The following MYRIP variants were observed in gnomAD, a reference collection of about 807,000 sequenced individuals.
The protein encoded by MYRIP is myosin VIIA and Rab interacting protein.
In MYRIP, 49 loss-of-function variants were observed where a neutral mutation model predicts 98.0. The ratio of observed to expected loss-of-function variants is 0.50; its 90% CI spans 0.40 to 0.63. The LOEUF (loss-of-function observed/expected upper bound fraction) is 0.63, where lower values mean the gene tolerates loss of function less well. MYRIP is among the 30% of genes least tolerant of loss of function. The probability of loss-of-function intolerance (pLI) is 0.00; values close to 1 mark genes in which losing one functional copy is unlikely to be tolerated. For synonymous variants in MYRIP, 404 were observed against 409.5 expected, an observed-to-expected ratio of 0.99 and a Z score of 0.16; for missense variants, 1,004 against 1,058.2, an observed-to-expected ratio of 0.95 and a Z score of 0.71.
At chr3:40,142,740 T>C (rs1949932441) in intron 3 of MYRIP, among the ~76,000 whole-genome samples, 1 of 152,160 alleles carries the variant, frequency 6.6e-6, no homozygotes, top group East Asian at 1.9e-4. Context: ...ATTATAGGTG[T>C]GAGCTACTGA....
chr3:40,118,890 C>T, intron 3 of MYRIP, among the ~76,000 whole-genome samples: 1 of 151,882 alleles, frequency 6.6e-6, no homozygotes, highest in African/African-American at 2.4e-5. Context: ...TCATCCATGT[C>T]CCTACAAAGG....
rs1029971487 is a variant in MYRIP, at chr3:40,084,744, G to A, written c.332+40473G>A. Among the ~76,000 whole-genome samples the A allele has an allele frequency of 8.9e-5, 12 of 135,024 alleles. 1 individual carries two copies. Among genetic ancestry groups the A allele is most frequent in the African/African-American group, 2.7e-4 (9 of 33,772 alleles). The allele number at this position is 135,024 out of a possible 152,430, so 88.6% of individuals were successfully genotyped here. The stretch of plus-strand genomic sequence containing the variant: ...TGTATTACATGTCGATAGATAATAT[G>A]TATCTATGTGTTACATGTCGATAGA... On this transcript the variant is annotated intron_variant, in intron 3 of 16. Transcript: ENST00000302541.
chr3:40,113,147 C>A (rs536864908), intron 3 of MYRIP, among the ~76,000 whole-genome samples: 1 of 152,134 alleles, frequency 6.6e-6, no homozygotes, highest in South Asian at 2.1e-4. Context: ...AAATAAAGGT[C>A]TTTGTTTGTT....
At chr3:40,171,536 T>TCTTGG (rs1950612731) in intron 8 of MYRIP, among the ~76,000 whole-genome samples, 1 of 152,274 alleles carries the variant, frequency 6.6e-6, no homozygotes, top group South Asian at 2.1e-4. Context: ...ATCCAGAAAG[T>TCTTGG]AGAAATTCCC....
At chr3:40,184,744 G>T (rs908953855) in intron 9 of MYRIP, among the ~76,000 whole-genome samples, 2 of 152,108 alleles carry the variant, frequency 1.3e-5, no homozygotes, top group African/African-American at 4.8e-5. Context: ...AAGGAATTTT[G>T]TTTTCAAAAC....
At chr3:40,192,048 C>A (rs1951226047) in intron 10 of MYRIP, among the ~76,000 whole-genome samples, 1 of 151,744 alleles carries the variant, frequency 6.6e-6, no homozygotes, top group Admixed American at 6.6e-5. Flanking sequence ...GTACCCACTC[C>A]TCTCCACTAG....
intron 1 of MYRIP, among the ~76,000 whole-genome samples, chr3:39,873,232 A>G (rs934083829): frequency 1.3e-5 from 2 of 151,820 alleles, no homozygotes; most frequent in Non-Finnish European, 2.9e-5. Context: ...TAGATTCTGG[A>G]TATTAGCCCT....
chr3:40,180,513 T>C (rs1045360400), intron 8 of MYRIP, among the ~76,000 whole-genome samples: 4 of 152,104 alleles, frequency 2.6e-5, no homozygotes, highest in Middle Eastern at 3.2e-3. Context: ...ACCAGCCCAG[T>C]TGGGGAAGGG....
At chr3:39,907,580 G>A (rs1380188760) in intron 2 of MYRIP, among the ~76,000 whole-genome samples, 2 of 152,206 alleles carry the variant, frequency 1.3e-5, no homozygotes, top group Non-Finnish European at 2.9e-5. Context: ...GGATGGAAGA[G>A]AGTTTCTGAT....
chr3:39,970,844 T>C (rs1945563168), intron 2 of MYRIP, among the ~76,000 whole-genome samples: 1 of 152,130 alleles, frequency 6.6e-6, no homozygotes, highest in African/African-American at 2.4e-5. Flanking sequence ...TTTATAGATA[T>C]GTAGGGAAAA....
chr3:39,841,276 C>T (rs938748784), intron 1 of MYRIP, among the ~76,000 whole-genome samples: 3 of 152,158 alleles, frequency 2.0e-5, no homozygotes, highest in East Asian at 1.9e-4. Context: ...ACGAAGTTCT[C>T]GTGCTGTGTT....
intron 3 of MYRIP, among the ~76,000 whole-genome samples, chr3:40,091,406 T>C (rs2125883020): frequency 6.6e-6 from 1 of 151,890 alleles, no homozygotes; most frequent in South Asian, 2.1e-4. Flanking sequence ...GAAGAGGGTC[T>C]GGCTATGAGG....
chr3:39,877,808 G>A (rs1943043282), intron 1 of MYRIP, among the ~76,000 whole-genome samples: 1 of 152,166 alleles, frequency 6.6e-6, no homozygotes, highest in Non-Finnish European at 1.5e-5. Context: ...GGACCCACTT[G>A]AGGAGGCAGT....
chr3:39,819,297 G>A lies in MYRIP; in HGVS notation c.-31+9381G>A, dbSNP rs139920908. ...CAGGAAGCAGAGGTTGCAGTGAGCCGAGATTGAGCCATTGCACTCCAGCCT... is the reference window on the plus strand; with the variant it reads ...CAGGAAGCAGAGGTTGCAGTGAGCCAAGATTGAGCCATTGCACTCCAGCCT... On this transcript the variant is annotated intron_variant, in intron 1 of 16. Coordinates refer to ENST00000302541, the MANE Select transcript of MYRIP (RefSeq NM_015460.4). Among the ~76,000 whole-genome samples the A allele has an allele frequency of 9.8e-4, 149 of 152,106 alleles. 3 individuals carry two copies. The East Asian group carries it at 0.026, about 26-fold the overall frequency.
Position 40,182,388 on chromosome 3 carries a change from C to A in MYRIP, c.1027+15C>A. 1 of 1,609,122 alleles carries A rather than the reference C, an allele frequency of 6.2e-7. No individual in the cohort carries two copies. Among genetic ancestry groups the A allele is most frequent in the Non-Finnish European group, 8.5e-7 (1 of 1,177,630 alleles). On this transcript the variant is annotated intron_variant, in intron 9 of 16. Coordinates refer to ENST00000302541, the MANE Select transcript of MYRIP (RefSeq NM_015460.4). ...GGATGAAACAAGTAACTGTTTTAAG[C>A]AGTATCTAGTTGGTCTGTGGGTTTC...
At chr3:40,152,802 T>C (rs776657208) in intron 4 of MYRIP, among the ~76,000 whole-genome samples, 2 of 152,142 alleles carry the variant, frequency 1.3e-5, no homozygotes, top group South Asian at 2.1e-4. Context: ...ATCCTCATTA[T>C]TGTACTAGTT....
chr3:40,062,312 A>G (rs767396095), intron 3 of MYRIP, among the ~76,000 whole-genome samples: 4 of 152,146 alleles, frequency 2.6e-5, no homozygotes, highest in Non-Finnish European at 5.9e-5. Context: ...TCTTCTGCAC[A>G]TGGCTAGCCA....
chr3:39,872,338 A>C (rs1942821836), intron 1 of MYRIP, among the ~76,000 whole-genome samples: 1 of 138,880 alleles, frequency 7.2e-6, no homozygotes. Flanking sequence ...ATATTTCTTT[A>C]TTATTATTAT....
At chr3:40,117,726 C>T (rs1209216212) in intron 3 of MYRIP, among the ~76,000 whole-genome samples, 1 of 152,196 alleles carries the variant, frequency 6.6e-6, no homozygotes, top group African/African-American at 2.4e-5. Context: ...CAGTTCCAAT[C>T]TTAGCTCCAT....
Sources: gnomAD v4.1 joint callset for allele counts (sites outside exome capture counted in the v4.1 genomes callset) on GRCh38, gnomAD v4.1.1 for gene constraint, MANE v1.5 for transcripts, NCBI Gene and HGNC (gene_info 2026-07-23, HGNC 2026-07-21) for gene names.